The following ZNF385B variants were observed in gnomAD, a reference collection of about 807,000 sequenced individuals.
ZNF385B encodes the protein zinc finger protein 533.
ZNF385B carries 23 observed loss-of-function variants against 39.2 expected under a neutral mutation model. The ratio of observed to expected loss-of-function variants is 0.59; its 90% confidence interval spans 0.42 to 0.83. ZNF385B has a LOEUF of 0.83. Ranked by LOEUF, ZNF385B falls within the 40% of genes least tolerant of loss-of-function variation. The pLI is 0.00. For synonymous variants in ZNF385B, 205 were observed against 222.6 expected (o/e 0.92, Z 0.70); for missense variants, 552 against 598.9 (o/e 0.92, Z 0.82).
At chr2:179,575,386 C>T (rs898015707) in intron 3 of ZNF385B, among the ~76,000 whole-genome samples, 1 of 152,150 alleles carries the variant, frequency 6.6e-6, no homozygotes, top group Non-Finnish European at 1.5e-5. Flanking sequence ...GATCTGATTA[C>T]AAATTAAATG....
intron 3 of ZNF385B, among the ~76,000 whole-genome samples, chr2:179,646,795 A>AT (rs1284323431): frequency 7.2e-5 from 11 of 152,328 alleles, no homozygotes; most frequent in South Asian, 6.2e-4. Flanking sequence ...TAGGTATGTG[A>AT]TTTTTGAATT....
At chr2:179,803,627 A>T (rs1706170386) in intron 1 of ZNF385B, among the ~76,000 whole-genome samples, 1 of 152,190 alleles carries the variant, frequency 6.6e-6, no homozygotes, top group Non-Finnish European at 1.5e-5. Flanking sequence ...TTTGACTATG[A>T]CCAACATACA....
intron 1 of ZNF385B, among the ~76,000 whole-genome samples, chr2:179,811,552 A>G (rs1706732854): frequency 6.6e-6 from 1 of 152,200 alleles, no homozygotes; most frequent in African/African-American, 2.4e-5. Flanking sequence ...CAATGGGAAA[A>G]GGACTCCCTA....
At chr2:179,715,759 C>T (rs1163382136) in intron 3 of ZNF385B, among the ~76,000 whole-genome samples, 4 of 151,824 alleles carry the variant, frequency 2.6e-5, no homozygotes, top group African/African-American at 9.7e-5. Context: ...AAATATTAAA[C>T]TATTAAATAA....
At chr2:179,631,746 C>T (rs1471457794) in intron 3 of ZNF385B, among the ~76,000 whole-genome samples, 1 of 152,086 alleles carries the variant, frequency 6.6e-6, no homozygotes, top group Non-Finnish European at 1.5e-5. Context: ...AGAGTCAAGA[C>T]CCATCGGTGT....
chr2:179,602,918 A>T (rs1487184512), intron 3 of ZNF385B, among the ~76,000 whole-genome samples: 1 of 152,176 alleles, frequency 6.6e-6, no homozygotes, highest in Non-Finnish European at 1.5e-5. Flanking sequence ...TTCACTGTTG[A>T]TTAGTATTTT....
At chr2:179,712,303 C>T (rs1407398015) in intron 3 of ZNF385B, among the ~76,000 whole-genome samples, 2 of 152,132 alleles carry the variant, frequency 1.3e-5, no homozygotes, top group African/African-American at 4.8e-5. Flanking sequence ...CTTCAATACT[C>T]CCTGGTAGCA....
intron 1 of ZNF385B, among the ~76,000 whole-genome samples, chr2:179,830,698 C>T (rs1411007961): frequency 2.6e-5 from 4 of 152,008 alleles, no homozygotes; most frequent in East Asian, 3.9e-4. Context: ...CAGTGGTTTC[C>T]GGTGGATGGG....
intron 3 of ZNF385B, among the ~76,000 whole-genome samples, chr2:179,664,302 A>G (rs944135569): frequency 7.2e-5 from 11 of 152,154 alleles, no homozygotes; most frequent in Non-Finnish European, 1.2e-4. Flanking sequence ...GTTCAATTGC[A>G]TTCATTTTAA....
intron 3 of ZNF385B, among the ~76,000 whole-genome samples, chr2:179,752,686 T>C (rs1362190274): frequency 1.3e-5 from 2 of 152,160 alleles, no homozygotes; most frequent in Non-Finnish European, 2.9e-5. Context: ...TGATGTCCAG[T>C]GATGATGAGC....
intron 1 of ZNF385B, among the ~76,000 whole-genome samples, chr2:179,777,051 C>T (rs1704364329): frequency 1.3e-5 from 2 of 151,648 alleles, no homozygotes; most frequent in Admixed American, 1.3e-4. Context: ...CAGCCAAAAG[C>T]TGATAGTTAA....
intron 1 of ZNF385B, among the ~76,000 whole-genome samples, chr2:179,804,229 G>A (rs984648277): frequency 2.0e-5 from 3 of 152,148 alleles, no homozygotes. Flanking sequence ...ACCAGAAGAT[G>A]TACTCACATA....
intron 6 of ZNF385B, among the ~76,000 whole-genome samples, chr2:179,471,390 G>C (rs1332206569): frequency 6.6e-6 from 1 of 152,190 alleles, no homozygotes; most frequent in Non-Finnish European, 1.5e-5. Flanking sequence ...ACTGGGCTCT[G>C]TGGACTTCCA....
At chr2:179,535,080 G>C (rs2059479492) in intron 4 of ZNF385B, among the ~76,000 whole-genome samples, 1 of 152,090 alleles carries the variant, frequency 6.6e-6, no homozygotes, top group South Asian at 2.1e-4. Flanking sequence ...GGGTCTACCT[G>C]GGAAAAACAC....
intron 3 of ZNF385B, among the ~76,000 whole-genome samples, chr2:179,615,386 T>C (rs1689648362): frequency 6.6e-6 from 1 of 152,170 alleles, no homozygotes; most frequent in South Asian, 2.1e-4. Flanking sequence ...ATCCCAGAAC[T>C]TGTTAAAAAT....
chr2:179,662,358 A>T (rs1341667570), intron 3 of ZNF385B, among the ~76,000 whole-genome samples: 3 of 139,324 alleles, frequency 2.2e-5, no homozygotes, highest in South Asian at 4.7e-4. Context: ...TTTATGGGTA[A>T]TTTTTTTTTT....
chr2:179,572,818 C>A (rs1273812733), intron 3 of ZNF385B, among the ~76,000 whole-genome samples: 1 of 144,200 alleles, frequency 6.9e-6, no homozygotes, highest in East Asian at 1.9e-4. Flanking sequence ...ACTGTATGGT[C>A]CTCCCCTTCC....
At chr2:179,718,950 CTG>C (rs150262834) in intron 3 of ZNF385B, among the ~76,000 whole-genome samples, 21,971 of 149,764 alleles carry the variant, frequency 0.15, 2,008 homozygotes, top group East Asian at 0.49. Context: ...CTTTAAAACT[CTG>C]TGTGTGTGTG....
At chr2:179,494,698 C>G (rs955098714) in intron 5 of ZNF385B, among the ~76,000 whole-genome samples, 1 of 151,060 alleles carries the variant, frequency 6.6e-6, no homozygotes, top group Non-Finnish European at 1.5e-5. Flanking sequence ...ATTCAGCAAC[C>G]AGTTGTTATC....
Sources: gnomAD v4.1 joint callset for allele counts (sites outside exome capture counted in the v4.1 genomes callset) on GRCh38, gnomAD v4.1.1 for gene constraint, MANE v1.5 for transcripts, NCBI Gene and HGNC (gene_info 2026-07-23, HGNC 2026-07-21) for gene names.